Variants in PCSK2 observed in about 807,000 individuals in gnomAD.
The protein encoded by PCSK2 is neuroendocrine convertase 2.
In PCSK2, 14 loss-of-function variants were observed where a neutral mutation model predicts 69.7. The observed-to-expected ratio is 0.20, with a 90% CI of 0.13 to 0.31. PCSK2 has a LOEUF of 0.31. PCSK2 is among the 10% of genes least tolerant of loss of function. The pLI is 1.00. For synonymous variants in PCSK2, 307 were observed against 320.7 expected (o/e 0.96, Z 0.46); for missense variants, 544 against 842.5 (o/e 0.65, Z 4.39).
rs1020576183 is a variant in PCSK2, at chr20:17,385,355, G to A, written c.543+16078G>A. On this transcript the variant is annotated intron_variant, in intron 5 of 11. Coordinates refer to ENST00000262545, the MANE Select transcript of PCSK2 (RefSeq NM_002594.5). ...CTGGAAAACTGCTGAATATCTTGGGGGCATAGCACCCTCATTTGAGAGCTG... is the reference window on the plus strand; with the variant it reads ...CTGGAAAACTGCTGAATATCTTGGGAGCATAGCACCCTCATTTGAGAGCTG... Among the ~76,000 whole-genome samples the A allele has an allele frequency of 1.1e-4, 16 of 152,250 alleles. No individual in the cohort carries two copies. The East Asian group carries it at 3.1e-3, about 29-fold the overall frequency.
At chr20:17,469,801 G>C (rs942875139) in intron 11 of PCSK2, among the ~76,000 whole-genome samples, 1 of 140,820 alleles carries the variant, frequency 7.1e-6, no homozygotes, top group Admixed American at 7.4e-5. Context: ...GCCAAACTGG[G>C]ATCTGAGCCC....
rs1477731924 is a variant in PCSK2, at chr20:17,482,104, C to G, written c.*34C>G. The G allele has an allele frequency of 6.6e-7, 1 of 1,524,234 alleles. No homozygotes were observed. The highest frequency in any genetic ancestry group is 8.8e-7 in the Non-Finnish European group (1 of 1,139,124). The allele number at this position is 1,524,234 out of a possible 1,614,324, so 94.4% of individuals were successfully genotyped here. The stretch of plus-strand genomic sequence containing the variant: ...ATCCGCCTTTCCCACCGCCCTCCCT[C>G]CCCAGCTCCGCCTCTGTCCTCGCTC... On this transcript the variant is annotated 3_prime_UTR_variant, in exon 12 of 12. Transcript: ENST00000262545.
intron 11 of PCSK2, among the ~76,000 whole-genome samples, chr20:17,474,601 A>G (rs1002379419): frequency 6.6e-6 from 1 of 152,112 alleles, no homozygotes; most frequent in African/African-American, 2.4e-5. Context: ...CCTTAGTCTT[A>G]GTCGCTAAGG....
At chr20:17,232,670 A>G (rs1225304925) in intron 1 of PCSK2, among the ~76,000 whole-genome samples, 1 of 152,208 alleles carries the variant, frequency 6.6e-6, no homozygotes, top group Non-Finnish European at 1.5e-5. Context: ...AATCCAGATT[A>G]TATGCTTTTA....
intron 2 of PCSK2, among the ~76,000 whole-genome samples, chr20:17,314,614 G>T (rs1453740792): frequency 6.6e-6 from 1 of 152,174 alleles, no homozygotes. Flanking sequence ...AATTGGGTTT[G>T]TTTTTTCTGC....
intron 1 of PCSK2, among the ~76,000 whole-genome samples, chr20:17,253,760 G>C (rs997047889): frequency 6.6e-6 from 1 of 152,120 alleles, no homozygotes; most frequent in African/African-American, 2.4e-5. Flanking sequence ...AAGTCTATAT[G>C]TTTAACATTT....
At chr20:17,391,390 T>A (rs376326629) in intron 5 of PCSK2, among the ~76,000 whole-genome samples, 181 of 151,988 alleles carry the variant, frequency 1.2e-3, no homozygotes, top group African/African-American at 4.2e-3. Flanking sequence ...ACACATGATT[T>A]AAAAAAAATA....
chr20:17,477,484 T>C (rs2033312907), intron 11 of PCSK2, among the ~76,000 whole-genome samples: 1 of 152,206 alleles, frequency 6.6e-6, no homozygotes, highest in Non-Finnish European at 1.5e-5. Context: ...TGCATATATA[T>C]GTTGGTCACT....
intron 2 of PCSK2, among the ~76,000 whole-genome samples, chr20:17,310,165 G>T (rs1188214062): frequency 1.3e-5 from 2 of 152,060 alleles, no homozygotes; most frequent in Non-Finnish European, 2.9e-5. Context: ...CATGACAATG[G>T]CACCAAGGAG....
At chr20:17,308,769 G>A (rs1475898106) in intron 2 of PCSK2, among the ~76,000 whole-genome samples, 1 of 152,090 alleles carries the variant, frequency 6.6e-6, no homozygotes, top group Non-Finnish European at 1.5e-5. Context: ...AGCATTTCTG[G>A]GGTTTTCGTG....
intron 7 of PCSK2, among the ~76,000 whole-genome samples, chr20:17,433,141 C>T (rs749645505): frequency 6.6e-6 from 1 of 152,184 alleles, no homozygotes. Flanking sequence ...GATGAGATCA[C>T]CTTTGATTGA....
intron 5 of PCSK2, among the ~76,000 whole-genome samples, chr20:17,371,940 A>C (rs2030776581): frequency 1.3e-5 from 2 of 152,196 alleles, no homozygotes; most frequent in South Asian, 4.1e-4. Context: ...AAGAACTGGA[A>C]AAGCTTTTCC....
chr20:17,276,715 C>T (rs1988093582), intron 2 of PCSK2, among the ~76,000 whole-genome samples: 1 of 152,056 alleles, frequency 6.6e-6, no homozygotes, highest in Non-Finnish European at 1.5e-5. Flanking sequence ...AAGTTCTGGC[C>T]AGGGCAATCA....
intron 2 of PCSK2, among the ~76,000 whole-genome samples, chr20:17,317,338 C>T (rs956354533): frequency 6.6e-6 from 1 of 152,192 alleles, no homozygotes; most frequent in South Asian, 2.1e-4. Flanking sequence ...GTGAATTCTG[C>T]AAATTCACAA....
At chr20:17,354,939 G>T (rs1600516742) in intron 2 of PCSK2, among the ~76,000 whole-genome samples, 1 of 152,102 alleles carries the variant, frequency 6.6e-6, no homozygotes, top group African/African-American at 2.4e-5. Context: ...TGTAACAAGT[G>T]AAAGCATATA....
chr20:17,451,871 A>AC (rs1284701761), intron 8 of PCSK2, among the ~76,000 whole-genome samples: 1 of 149,246 alleles, frequency 6.7e-6, no homozygotes, highest in Non-Finnish European at 1.5e-5. Context: ...CAGATGGTCA[A>AC]CCTCACTCAC....
chr20:17,282,152 T>C (rs550016837), intron 2 of PCSK2, among the ~76,000 whole-genome samples: 2 of 152,192 alleles, frequency 1.3e-5, no homozygotes, highest in Non-Finnish European at 2.9e-5. Flanking sequence ...CATGTATATA[T>C]TTACATATAT....
At chr20:17,284,914 T>TG (rs1170958201) in intron 2 of PCSK2, among the ~76,000 whole-genome samples, 2 of 152,160 alleles carry the variant, frequency 1.3e-5, no homozygotes, top group African/African-American at 4.8e-5. Context: ...CATTACTCTG[T>TG]GGGGGGTTTC....
chr20:17,279,558 C>CA (rs1988224992), intron 2 of PCSK2, among the ~76,000 whole-genome samples: 1 of 151,754 alleles, frequency 6.6e-6, no homozygotes, highest in Admixed American at 6.6e-5. Context: ...GTAATCCCAG[C>CA]ACTTTGGGAG....
Sources: allele counts gnomAD v4.1 joint callset (sites outside exome capture counted in the v4.1 genomes callset), GRCh38; gene constraint gnomAD v4.1.1; transcripts MANE v1.5; gene names NCBI Gene and HGNC (gene_info 2026-07-23, HGNC 2026-07-21).